The following HIBADH variants were observed in gnomAD, a reference collection of about 807,000 sequenced individuals.
The protein encoded by HIBADH is 3-hydroxyisobutyrate dehydrogenase, also known as 3-hydroxyisobutyrate dehydrogenase, mitochondrial.
Under a neutral mutation model 36.1 loss-of-function variants are expected in HIBADH, and 25 were observed. That is an observed-to-expected ratio of 0.69 (90% CI 0.50 to 0.97). HIBADH has a LOEUF of 0.97. HIBADH is among the 50% of genes least tolerant of loss of function. The pLI is 0.00. For missense variants in HIBADH, 421 were observed against 418.0 expected (o/e 1.01, Z -0.06); for synonymous variants, 160 against 149.5 (o/e 1.07, Z -0.51).
chr7:27,540,246 C>T (rs545927047), intron 5 of HIBADH, among the ~76,000 whole-genome samples: 2 of 152,192 alleles, frequency 1.3e-5, no homozygotes, highest in Admixed American at 6.5e-5. Flanking sequence ...TAATCAGAAC[C>T]GTTCTGCCAT....
intron 4 of HIBADH, among the ~76,000 whole-genome samples, chr7:27,614,275 A>G: frequency 6.6e-6 from 1 of 152,222 alleles, no homozygotes; most frequent in East Asian, 1.9e-4. Context: ...AATGGCACCT[A>G]ATATTACAAT....
chr7:27,568,103 T>G (rs910373982), intron 4 of HIBADH, among the ~76,000 whole-genome samples: 1 of 151,126 alleles, frequency 6.6e-6, no homozygotes, highest in Non-Finnish European at 1.5e-5. Context: ...GAAAAAATAC[T>G]GTATTTATCC....
At chr7:27,633,338 C>T (rs996226426) in intron 2 of HIBADH, among the ~76,000 whole-genome samples, 11 of 152,244 alleles carry the variant, frequency 7.2e-5, no homozygotes, top group African/African-American at 2.4e-4. Flanking sequence ...ACCAGGAGCT[C>T]CTTCCTTGAC....
intron 4 of HIBADH, among the ~76,000 whole-genome samples, chr7:27,587,731 G>C (rs188853179): frequency 2.0e-5 from 3 of 152,150 alleles, no homozygotes; most frequent in Non-Finnish European, 4.4e-5. Context: ...TGATTTGAAG[G>C]TTGAGATGAG....
chr7:27,632,108 T>A (rs773473201), intron 3 of HIBADH, among the ~76,000 whole-genome samples: 13 of 151,962 alleles, frequency 8.6e-5, no homozygotes, highest in Non-Finnish European at 1.9e-4. Context: ...AACGCAAGAG[T>A]TAAAGGAAAG....
intron 2 of HIBADH, among the ~76,000 whole-genome samples, chr7:27,644,664 C>T (rs558882692): frequency 1.4e-4 from 21 of 150,814 alleles, no homozygotes; most frequent in Admixed American, 6.6e-4. Context: ...ACTCGGGAGG[C>T]TGAGGCAGAA....
intron 3 of HIBADH, among the ~76,000 whole-genome samples, chr7:27,630,848 T>G (rs754883507): frequency 6.6e-6 from 1 of 152,196 alleles, no homozygotes. Context: ...AGAAGAGAAA[T>G]AGCATACTCC....
chr7:27,632,264 C>T lies in HIBADH; in HGVS notation c.362+72G>A. 9 of 984,824 alleles carry T rather than the reference C, an allele frequency of 9.1e-6. No homozygotes were observed. The South Asian group carries it at 9.4e-5, about 10-fold the overall frequency. 61.0% of individuals were successfully genotyped at this position (984,824 alleles called of 1,614,324 possible). The stretch of plus-strand genomic sequence containing the variant: ...GGTTTAACAAACACAATTGTAATTT[C>T]CTAATAGTTCTAACATGTGAAATTC... On this transcript the variant is annotated intron_variant, in intron 3 of 7. Coordinates refer to ENST00000265395, the MANE Select transcript of HIBADH (RefSeq NM_152740.4).
At chr7:27,607,237 T>C (rs983825455) in intron 4 of HIBADH, among the ~76,000 whole-genome samples, 1 of 132,724 alleles carries the variant, frequency 7.5e-6, no homozygotes, top group Non-Finnish European at 1.6e-5. Context: ...CTGGGCGCCA[T>C]GGCTCACACC....
At chr7:27,626,510 A>G (rs1012256622) in intron 4 of HIBADH, among the ~76,000 whole-genome samples, 3 of 152,198 alleles carry the variant, frequency 2.0e-5, no homozygotes, top group African/African-American at 7.2e-5. Flanking sequence ...AGTGGGTCTA[A>G]TAAGTATCAA....
intron 4 of HIBADH, among the ~76,000 whole-genome samples, chr7:27,612,701 A>G (rs1785342648): frequency 6.6e-6 from 1 of 151,716 alleles, no homozygotes; most frequent in African/African-American, 2.4e-5. Context: ...TGGGAGGCCA[A>G]CGCAGGAGGA....
intron 4 of HIBADH, among the ~76,000 whole-genome samples, chr7:27,602,329 T>C (rs772846308): frequency 1.3e-5 from 2 of 152,058 alleles, no homozygotes; most frequent in African/African-American, 2.4e-5. Flanking sequence ...AACTTTAAGG[T>C]GATTAGAGAT....
At chr7:27,651,365 CACTGGTAT>C (rs2128297250) in intron 1 of HIBADH, among the ~76,000 whole-genome samples, 1 of 151,890 alleles carries the variant, frequency 6.6e-6, no homozygotes, top group East Asian at 1.9e-4. Flanking sequence ...TATAATAGTA[CACTGGTAT>C]AATAGTACAC....
At position 27,662,753 on chromosome 7, in the gene HIBADH, G is replaced by T. The variant is rs1183379040; in HGVS notation, c.36C>A (p.Ser12=). Residue 12 remains serine, a synonymous_variant, in exon 1 of 8, where the codon TCC becomes TCA. Coordinates refer to ENST00000265395, the MANE Select transcript of HIBADH (RefSeq NM_152740.4). ...AASLRLLGAA[S]GLRYWSRRLR... The stretch of plus-strand genomic sequence containing the variant: ...GCCGCCGGCTCCAGTACCGGAGACC[G>T]GAGGCAGCTCCGAGGAGCCGTAAGG... The T allele has an allele frequency of 8.3e-6, 12 of 1,437,610 alleles. No homozygotes were observed. The highest frequency in any genetic ancestry group is 1.4e-5 in the South Asian group (1 of 71,130). The allele number at this position is 1,437,610 out of a possible 1,614,324, so 89.1% of individuals were successfully genotyped here.
intron 1 of HIBADH, among the ~76,000 whole-genome samples, chr7:27,659,543 C>T (rs2128298294): frequency 6.6e-6 from 1 of 151,564 alleles, no homozygotes; most frequent in East Asian, 1.9e-4. Context: ...GGTGAGACCC[C>T]ATCTCTACAA....
At chr7:27,558,725 C>G (rs1265924377) in intron 4 of HIBADH, among the ~76,000 whole-genome samples, 1 of 152,110 alleles carries the variant, frequency 6.6e-6, no homozygotes, top group Non-Finnish European at 1.5e-5. Context: ...AAACAAAACA[C>G]AAGCATTTAG....
chr7:27,536,647 T>C (rs1784075927), intron 6 of HIBADH, among the ~76,000 whole-genome samples: 1 of 152,180 alleles, frequency 6.6e-6, no homozygotes, highest in African/African-American at 2.4e-5. Context: ...TGCCTACAGT[T>C]GTAGCTGGTG....
At chr7:27,531,876 T>C (rs187847906) in intron 6 of HIBADH, among the ~76,000 whole-genome samples, 1 of 149,586 alleles carries the variant, frequency 6.7e-6, no homozygotes, top group Admixed American at 6.7e-5. Flanking sequence ...CCAGGAGCTG[T>C]AAACGAGCTT....
intron 4 of HIBADH, among the ~76,000 whole-genome samples, chr7:27,556,073 TA>T (rs1328940950): frequency 3.3e-5 from 5 of 152,224 alleles, no homozygotes; most frequent in Non-Finnish European, 7.3e-5. Flanking sequence ...TCCACTTTGA[TA>T]AATTACAGTA....
Sources: allele counts gnomAD v4.1 joint callset (sites outside exome capture counted in the v4.1 genomes callset), GRCh38; gene constraint gnomAD v4.1.1; transcripts MANE v1.5; gene names NCBI Gene and HGNC (gene_info 2026-07-23, HGNC 2026-07-21).